The following RDH13 variants were observed in gnomAD, a reference collection of about 807,000 sequenced individuals.
RDH13 encodes retinol dehydrogenase 13.
In RDH13, 35 loss-of-function variants were observed where a neutral mutation model predicts 28.3. The ratio of observed to expected loss-of-function variants is 1.24; its 90% CI spans 0.95 to 1.64. The LOEUF is 1.64. Among genes scored for constraint, RDH13 ranks in the 40% most tolerant of loss-of-function variants. The pLI, the probability that RDH13 is intolerant of heterozygous loss-of-function variation, is 0.00. For missense variants in RDH13, 514 were observed against 446.3 expected (o/e 1.15, Z -1.37); for synonymous variants, 229 against 198.5 (o/e 1.15, Z -1.29).
upstream of RDH13, among the ~76,000 whole-genome samples, chr19:55,064,815 G>A (rs1360397274): frequency 2.7e-5 from 4 of 150,222 alleles, no homozygotes; most frequent in South Asian, 6.4e-4. Context: ...GTTTCACCAT[G>A]TTGGCCAGGT....
Position 55,063,015 on chromosome 19 carries a change from C to T in RDH13, c.18G>A (p.Leu6=), listed in dbSNP as rs1484230757. Residue 6 remains leucine, a synonymous_variant, in exon 1 of 7, where the codon CTG becomes CTA. Transcript: ENST00000415061. MSRYL[L]PLSALGTVAG... ...CTACCGTGCCCAGCGCCGACAGCGG[C>T]AGCAGGTAGCGGCTCATGCCGGGCC... 2.7e-6 allele frequency: 4 copies of T among 1,459,964 alleles called. No individual in the cohort carries two copies. The South Asian group carries it at 5.5e-5, about 20-fold the overall frequency. The allele number at this position is 1,459,964 out of a possible 1,614,324, so 90.4% of individuals were successfully genotyped here. A position where few individuals can be genotyped will look rare whatever the true frequency, so the allele number is the denominator to read the frequency against.
At chr19:55,040,423 A>T (rs1189420840), downstream of RDH13, 1 of 152,304 alleles carries the variant, frequency 6.6e-6, no homozygotes, top group East Asian at 1.9e-4. Context: ...TGCTGGGAAT[A>T]CAGGCATGAG....
intron 2 of RDH13, among the ~76,000 whole-genome samples, chr19:55,058,777 T>C (rs2075717920): frequency 6.6e-6 from 1 of 152,064 alleles, no homozygotes; most frequent in Non-Finnish European, 1.5e-5. Context: ...GCCTCTCAGG[T>C]TCAAGCGATT....
chr19:55,066,249 T>G (rs1164386595), upstream of RDH13, among the ~76,000 whole-genome samples: 3 of 152,216 alleles, frequency 2.0e-5, no homozygotes, highest in Non-Finnish European at 4.4e-5. Flanking sequence ...TTCCTGGTTG[T>G]TAACATGTTC....
chr19:55,045,138 G>A lies in RDH13; in HGVS notation c.932C>T (p.Ala311Val). The A allele has an allele frequency of 6.2e-7, 1 of 1,613,638 alleles. No individual in the cohort carries two copies. The highest frequency in any genetic ancestry group is 8.5e-7 in the Non-Finnish European group (1 of 1,180,008). ...EDEEVARRLWAESARLVGLEA... is the reference protein window; with the variant it reads ...EDEEVARRLWVESARLVGLEA... ...TAAGCCCACCAGGCGGGCACTTTCA[G>A]CCCAAAGCCTCCGGGCCACCTCCTC... The change falls in exon 7 of 7, where the codon GCT becomes GTT. Residue 311 changes from alanine (A) to valine (V), a missense_variant. Ala to Val is a moderately conservative substitution (Grantham distance 64, BLOSUM62 0). Transcript: ENST00000415061.
At chr19:55,066,497 CT>C (rs2075962971), upstream of RDH13, among the ~76,000 whole-genome samples, 1 of 61,026 alleles carries the variant, frequency 1.6e-5, no homozygotes, top group African/African-American at 7.3e-5. Context: ...TTTTCTCTCT[CT>C]CTCTCCCTCT....
upstream of RDH13, chr19:55,063,197 CGGGCGGAGG>C (rs2075867904): frequency 2.0e-6 from 1 of 511,874 alleles, no homozygotes; most frequent in Admixed American, 4.4e-5. Context: ...GGGCGGGGCG[CGGGCGGAGG>C]GGGCGGGGAT....
intron 2 of RDH13, among the ~76,000 whole-genome samples, chr19:55,058,863 T>G (rs150089876): frequency 0.011 from 1,635 of 152,266 alleles, 53 homozygotes; most frequent in African/African-American, 0.037. Context: ...GTATTTTTAG[T>G]AGAGAGGGGG....
intron 1 of RDH13, chr19:55,068,728 C>G: frequency 7.0e-6 from 1 of 143,302 alleles, no homozygotes; most frequent in East Asian, 2.1e-4. Flanking sequence ...CCCAGCTACT[C>G]GGGAGGCTGA....
At chr19:55,061,684 C>T (rs966829458) in intron 1 of RDH13, among the ~76,000 whole-genome samples, 2 of 151,184 alleles carry the variant, frequency 1.3e-5, no homozygotes, top group African/African-American at 4.9e-5. Flanking sequence ...GTCAGCTACT[C>T]GGGAGGCTGA....
chr19:55,050,653 C>G (rs1359080724), intron 3 of RDH13: 1 of 152,162 alleles, frequency 6.6e-6, no homozygotes, highest in Non-Finnish European at 1.5e-5. Context: ...GATTAGGGCC[C>G]ACCCTAATGA....
chr19:55,064,795 T>A (rs1568745720), upstream of RDH13, among the ~76,000 whole-genome samples: 1 of 149,968 alleles, frequency 6.7e-6, no homozygotes, highest in East Asian at 2.0e-4. Context: ...GTATTTTTAG[T>A]AGAGACGGGG....
rs1555831241 is a variant in RDH13, at chr19:55,063,063, G to GCGTCCGC, written c.-32_-31insGCGGACG. The stretch of plus-strand genomic sequence containing the variant: ...GCCGGGGACAGGCGTCAGGCGTCAG[G>GCGTCCGC]GGTCGGCGCGGAGCTTGCTGCACAC... On this transcript the variant is annotated 5_prime_UTR_variant, in exon 1 of 7. Coordinates refer to ENST00000415061, the MANE Select transcript of RDH13 (RefSeq NM_001145971.2). The GCGTCCGC allele has an allele frequency of 4.5e-6, 6 of 1,334,882 alleles. No homozygotes were observed. The highest frequency in any genetic ancestry group is 5.8e-6 in the Non-Finnish European group (6 of 1,040,990). 82.7% of individuals were successfully genotyped at this position (1,334,882 alleles called of 1,614,324 possible).
At chr19:55,043,514 T>C (rs992630928), downstream of RDH13, among the ~76,000 whole-genome samples, 2 of 136,668 alleles carry the variant, frequency 1.5e-5, no homozygotes, top group Non-Finnish European at 3.3e-5. Flanking sequence ...TGATACCGTC[T>C]TTAATTAGCC....
At chr19:55,060,214 C>CT (rs1376152427) in intron 1 of RDH13, among the ~76,000 whole-genome samples, 1 of 146,366 alleles carries the variant, frequency 6.8e-6, no homozygotes, top group Non-Finnish European at 1.5e-5. Context: ...ACCCTGGGAA[C>CT]TGAATGTCTC....
chr19:55,052,783 T>TC (rs917039147), intron 3 of RDH13, among the ~76,000 whole-genome samples: 50 of 151,720 alleles, frequency 3.3e-4, no homozygotes, highest in African/African-American at 1.2e-3. Flanking sequence ...TGCCTCAGCC[T>TC]CCCAAGTAGC....
intron 2 of RDH13, among the ~76,000 whole-genome samples, chr19:55,058,865 G>C (rs888572559): frequency 2.6e-5 from 4 of 152,162 alleles, no homozygotes; most frequent in African/African-American, 7.2e-5. Flanking sequence ...ATTTTTAGTA[G>C]AGAGGGGGTT....
chr19:55,047,618 T>C (rs2075282636), intron 5 of RDH13, 130 bp from the exon 6 acceptor site: 1 of 1,415,254 alleles, frequency 7.1e-7, no homozygotes, highest in Non-Finnish European at 9.3e-7. Context: ...ATCGTCCCTC[T>C]TGCTCTGGAA....
intron 2 of RDH13, 39 bp downstream of exon 2, chr19:55,059,118 C>T (rs747783409): frequency 7.5e-7 from 1 of 1,325,702 alleles, no homozygotes; most frequent in Non-Finnish European, 1.1e-6. Context: ...CATGGATGTA[C>T]AGATATCTCT....
Sources: gnomAD v4.1 joint callset for allele counts (sites outside exome capture counted in the v4.1 genomes callset) on GRCh38, gnomAD v4.1.1 for gene constraint, MANE v1.5 for transcripts, NCBI Gene and HGNC (gene_info 2026-07-23, HGNC 2026-07-21) for gene names.